KALRN: variants seen among roughly 807,000 people sequenced by gnomAD.
KALRN encodes the protein kalirin.
KALRN carries 70 observed loss-of-function variants against 353.7 expected under a neutral mutation model. The ratio of observed to expected loss-of-function variants is 0.20; its 90% CI spans 0.16 to 0.24. The LOEUF is 0.24. Ranked by LOEUF, KALRN falls within the 10% of genes least tolerant of loss-of-function variation. The pLI, the probability that KALRN is intolerant of heterozygous loss-of-function variation, is 1.00. For synonymous variants in KALRN, 1,391 were observed against 1,434.8 expected, an observed-to-expected ratio of 0.97 and a Z score of 0.69; for missense variants, 2,791 against 3,756.7, an observed-to-expected ratio of 0.74 and a Z score of 6.72.
At chr3:124,447,341 A>C (rs923038148) in intron 21 of KALRN, among the ~76,000 whole-genome samples, 8 of 152,112 alleles carry the variant, frequency 5.3e-5, no homozygotes, top group African/African-American at 1.9e-4. Context: ...TCCTTTTCTG[A>C]GCTATTTCCA....
intron 5 of KALRN, among the ~76,000 whole-genome samples, chr3:124,286,868 T>C (rs2075961906): frequency 6.6e-6 from 1 of 152,196 alleles, no homozygotes; most frequent in African/African-American, 2.4e-5. Flanking sequence ...TTTCTCTGTC[T>C]CTTTATATAT....
intron 57 of KALRN, among the ~76,000 whole-genome samples, chr3:124,708,748 G>C (rs75771831): frequency 2.6e-5 from 4 of 151,594 alleles, no homozygotes; most frequent in Admixed American, 1.3e-4. Context: ...TCCCAAATTT[G>C]GTAAAAGACA....
intron 1 of KALRN, among the ~76,000 whole-genome samples, chr3:124,104,039 G>C (rs1250245176): frequency 1.3e-5 from 2 of 152,160 alleles, no homozygotes; most frequent in Non-Finnish European, 2.9e-5. Context: ...ATACTTATAA[G>C]GGGGAGCTCT....
intron 59 of KALRN, 97 bp downstream of exon 59, chr3:124,717,482 C>T (rs552748475): frequency 1.5e-4 from 106 of 726,902 alleles, no homozygotes; most frequent in Admixed American, 3.3e-4. Flanking sequence ...GTCAGGAGAT[C>T]GAGACCATCC....
chr3:124,444,555 T>C (rs112192358), intron 19 of KALRN, among the ~76,000 whole-genome samples: 24,183 of 151,480 alleles, frequency 0.16, 2,480 homozygotes, highest in Non-Finnish European at 0.23. Context: ...CCTAGCACTT[T>C]GGGAGACCGA....
At chr3:124,410,194 C>G (rs138113158) in intron 13 of KALRN, 6,728 of 532,544 alleles carry the variant, frequency 0.013, 99 homozygotes, top group East Asian at 0.078. Flanking sequence ...ACGTGACTCT[C>G]TTCTCCCTCA....
intron 1 of KALRN, chr3:124,163,714 A>G (rs1041383875): frequency 1.2e-5 from 12 of 985,308 alleles, no homozygotes; most frequent in African/African-American, 1.7e-5. Context: ...GCTCTTTACC[A>G]TAGACCTTGC....
At chr3:124,694,971 G>A (rs954600684) in intron 53 of KALRN, among the ~76,000 whole-genome samples, 27 of 152,216 alleles carry the variant, frequency 1.8e-4, no homozygotes, top group African/African-American at 6.3e-4. Context: ...CTCTAAGTCA[G>A]AAGATTTAGA....
chr3:124,289,466 A>G (rs2076236778), intron 5 of KALRN, among the ~76,000 whole-genome samples: 1 of 152,048 alleles, frequency 6.6e-6, no homozygotes, highest in Admixed American at 6.6e-5. Context: ...AAGTTACTTA[A>G]TCTCTCTGAA....
intron 5 of KALRN, among the ~76,000 whole-genome samples, chr3:124,286,455 G>A (rs917154898): frequency 6.6e-6 from 1 of 152,106 alleles, no homozygotes; most frequent in African/African-American, 2.4e-5. Flanking sequence ...GTTTTGCTGT[G>A]TTGGCCAGGC....
intron 5 of KALRN, among the ~76,000 whole-genome samples, chr3:124,284,917 C>A (rs2075688884): frequency 6.6e-6 from 1 of 152,206 alleles, no homozygotes; most frequent in African/African-American, 2.4e-5. Context: ...CACTCCTCTG[C>A]TGAGATCTCA....
At chr3:124,500,315 C>T (rs769591114) in intron 33 of KALRN, among the ~76,000 whole-genome samples, 6 of 152,180 alleles carry the variant, frequency 3.9e-5, no homozygotes, top group Non-Finnish European at 7.3e-5. Flanking sequence ...TTAGCCATAT[C>T]GCTCTGCAAT....
intron 22 of KALRN, 148 bp downstream of exon 22, chr3:124,455,507 A>G (rs1019407959): frequency 1.4e-6 from 1 of 705,864 alleles, no homozygotes; most frequent in Admixed American, 2.9e-5. Flanking sequence ...TGGCTTTTCT[A>G]GTGGGGAGTG....
intron 33 of KALRN, among the ~76,000 whole-genome samples, chr3:124,547,212 C>T (rs1383491780): frequency 6.6e-6 from 1 of 152,172 alleles, no homozygotes; most frequent in Non-Finnish European, 1.5e-5. Flanking sequence ...GTTGCCCAGG[C>T]TGGCCTCGAA....
intron 34 of KALRN, among the ~76,000 whole-genome samples, chr3:124,565,271 C>T (rs907587624): frequency 6.6e-6 from 1 of 152,206 alleles, no homozygotes; most frequent in Non-Finnish European, 1.5e-5. Context: ...GCTTTCCCCC[C>T]TGTCCTCTGA....
chr3:124,151,871 AGAGGTTATT>A (rs1226284920), intron 1 of KALRN: 4 of 511,000 alleles, frequency 7.8e-6, no homozygotes, highest in Non-Finnish European at 1.4e-5. Flanking sequence ...GGTGAGAAAG[AGAGGTTATT>A]ATTACTATTT....
chr3:124,134,615 C>G (rs897467941), intron 1 of KALRN, among the ~76,000 whole-genome samples: 12 of 152,134 alleles, frequency 7.9e-5, no homozygotes, highest in Non-Finnish European at 1.5e-5. Context: ...AAAATCTTCA[C>G]AATTTATACA....
At chr3:124,398,001 T>G (rs942499280) in intron 12 of KALRN, among the ~76,000 whole-genome samples, 2 of 152,208 alleles carry the variant, frequency 1.3e-5, no homozygotes, top group Admixed American at 6.5e-5. Context: ...CAGAAATTAT[T>G]AAGTCCACTT....
At chr3:124,682,185 C>A (rs998404017) in intron 51 of KALRN, among the ~76,000 whole-genome samples, 2 of 152,148 alleles carry the variant, frequency 1.3e-5, no homozygotes, top group African/African-American at 4.8e-5. Context: ...AGAGGCTATA[C>A]CTTAAAGATC....
Sources: gnomAD v4.1 joint callset for allele counts (sites outside exome capture counted in the v4.1 genomes callset) on GRCh38, gnomAD v4.1.1 for gene constraint, MANE v1.5 for transcripts, NCBI Gene and HGNC (gene_info 2026-07-23, HGNC 2026-07-21) for gene names.